The following TMED8 variants were observed in gnomAD, a reference collection of about 807,000 sequenced individuals.
TMED8 encodes the protein transmembrane p24 trafficking protein family member 8.
In TMED8, 15 loss-of-function variants were observed where a neutral mutation model predicts 32.7. The observed-to-expected ratio is 0.46, with a 90% CI of 0.31 to 0.71. The LOEUF (loss-of-function observed/expected upper bound fraction) is 0.71, where lower values mean the gene tolerates loss of function less well. TMED8 is among the 30% of genes least tolerant of loss of function. TMED8 has a pLI of 0.06. For missense variants in TMED8, 390 were observed against 423.9 expected, an observed-to-expected ratio of 0.92 and a Z score of 0.70; for synonymous variants, 147 against 161.4, an observed-to-expected ratio of 0.91 and a Z score of 0.68.
chr14:77,366,994 C>T (rs916400326), intron 1 of TMED8, among the ~76,000 whole-genome samples: 1 of 152,046 alleles, frequency 6.6e-6, no homozygotes, highest in African/African-American at 2.4e-5. Context: ...CCTGTAACTC[C>T]AGCACTTTGG....
Position 77,344,715 on chromosome 14 carries a change from C to A in TMED8, c.328-892G>T, listed in dbSNP as rs72681263. On this transcript the variant is annotated intron_variant, in intron 3 of 5. Coordinates refer to ENST00000216468, the MANE Select transcript of TMED8 (RefSeq NM_213601.3). ...AGGGGAGAGCACATCAGTGAGTCAG[C>A]AATCCAGTTAAGAGGCTGGAATTGT... Among the ~76,000 whole-genome samples the A allele has an allele frequency of 1.7e-4, 26 of 152,212 alleles. 1 individual carries two copies. The highest frequency in any genetic ancestry group is 2.6e-4 in the Admixed American group (4 of 15,288).
Position 77,351,690 on chromosome 14 carries a change from G to C in TMED8, c.180C>G (p.Pro60=), listed in dbSNP as rs1195645799. ...GTGGTTACCTGTGGGGTGAGGAGCA[G>C]GGTTCTGGATCGGTGGCAGAAGCCA... is the stretch of plus-strand genomic sequence containing the variant. The part of the protein sequence containing the change: ...SLLASATDPE[P]CSSPHRPQMV... The change falls in exon 2 of 6, where the codon CCC becomes CCG. Residue 60 remains proline (P), a synonymous_variant. Transcript: ENST00000216468. 1.2e-6 allele frequency: 2 copies of C among 1,613,420 alleles called. No individual in the cohort carries two copies. The highest frequency in any genetic ancestry group is 1.1e-5 in the South Asian group (1 of 90,942).
At position 77,336,131 on chromosome 14, in the gene TMED8, C is replaced by T. The variant is rs949347351; in HGVS notation, c.*5640G>A. 85 of 152,140 alleles carry T rather than the reference C, an allele frequency of 5.6e-4. No homozygotes were observed. Among genetic ancestry groups the T allele is most frequent in the African/African-American group, 2.0e-3 (83 of 41,432 alleles). 9.4% of individuals were successfully genotyped at this position (152,140 alleles called of 1,614,324 possible). A position where few individuals can be genotyped will look rare whatever the true frequency, so the allele number is the denominator to read the frequency against. On this transcript the variant is annotated 3_prime_UTR_variant, in exon 6 of 6. Coordinates refer to ENST00000216468, the MANE Select transcript of TMED8 (RefSeq NM_213601.3). ...CCAAAACTTCAGAAGGGTTCATGAT[C>T]CTATTTCAGGACTTTAGAAAATATA...
At chr14:77,357,083 G>T (rs1043032114) in intron 1 of TMED8, among the ~76,000 whole-genome samples, 1 of 152,118 alleles carries the variant, frequency 6.6e-6, no homozygotes, top group African/African-American at 2.4e-5. Flanking sequence ...GTACTCAATA[G>T]CCATGAGTTG....
At chr14:77,342,024 C>T (rs1566683208) in intron 5 of TMED8, 36 bp from the exon 6 acceptor site, 3 of 1,595,582 alleles carry the variant, frequency 1.9e-6, no homozygotes, top group African/African-American at 2.7e-5. Context: ...TCAGAGACTG[C>T]GTAAGTCCTG....
At chr14:77,371,379 G>A (rs1309483995) in intron 1 of TMED8, among the ~76,000 whole-genome samples, 1 of 152,140 alleles carries the variant, frequency 6.6e-6, no homozygotes, top group African/African-American at 2.4e-5. Flanking sequence ...TATGATTTAG[G>A]TTGAGCATTT....
intron 1 of TMED8, among the ~76,000 whole-genome samples, chr14:77,361,164 T>C (rs1328039300): frequency 3.3e-5 from 5 of 152,040 alleles, no homozygotes; most frequent in African/African-American, 4.8e-5. Flanking sequence ...GTATTTTCAG[T>C]AGAGACAGGG....
intron 1 of TMED8, among the ~76,000 whole-genome samples, chr14:77,374,383 T>C (rs773005005): frequency 6.6e-6 from 1 of 152,250 alleles, no homozygotes; most frequent in Non-Finnish European, 1.5e-5. Context: ...CACTGACATC[T>C]GGAGCCAGAT....
At chr14:77,362,163 C>T (rs1893454377) in intron 1 of TMED8, among the ~76,000 whole-genome samples, 1 of 151,764 alleles carries the variant, frequency 6.6e-6, no homozygotes, top group Admixed American at 6.6e-5. Context: ...TGCAAATGGA[C>T]ATAACTTCTA....
At chr14:77,368,469 T>TATTC (rs1368152906) in intron 1 of TMED8, among the ~76,000 whole-genome samples, 1 of 146,466 alleles carries the variant, frequency 6.8e-6, no homozygotes, top group Non-Finnish European at 1.5e-5. Flanking sequence ...TCCTTTTTAT[T>TATTC]ATTTATTTAT....
Position 77,338,266 on chromosome 14 carries a change from CTACAAAGCTGTCTCTTGTGGG to C in TMED8, c.*3484_*3504del, listed in dbSNP as rs1892813314. On this transcript the variant is annotated 3_prime_UTR_variant, in exon 6 of 6. Transcript: ENST00000216468. ...TTATTTGACGTATTTTGAAATGGCC[CTACAAAGCTGTCTCTTGTGGG>C]GGAAACTGCATTCTGTAGAGAATCT... 1 of 152,186 alleles carries C rather than the reference CTACAAAGCTGTCTCTTGTGGG, an allele frequency of 6.6e-6. No homozygotes were observed. The highest frequency in any genetic ancestry group is 2.1e-4 in the South Asian group (1 of 4,836). The allele number at this position is 152,186 out of a possible 1,614,324, so 9.4% of individuals were successfully genotyped here.
chr14:77,367,255 A>AC (rs1683311362), intron 1 of TMED8, among the ~76,000 whole-genome samples: 1 of 149,956 alleles, frequency 6.7e-6, no homozygotes, highest in Non-Finnish European at 1.5e-5. Flanking sequence ...AAAAAAAAAA[A>AC]AAAAAAAAAA....
intron 5 of TMED8, among the ~76,000 whole-genome samples, chr14:77,342,904 CA>C (rs1276436563): frequency 2.0e-5 from 3 of 152,208 alleles, no homozygotes; most frequent in Non-Finnish European, 4.4e-5. Context: ...CCGCATGACT[CA>C]CCCTCTCTCT....
At position 77,343,389 on chromosome 14, in the gene TMED8, C is replaced by T. The variant is rs1207595353; in HGVS notation, c.549G>A (p.Leu183=). ...SKLGKEKNSR[L]VVKRGEVVTI... Reference sequence around the variant, plus strand: ...TCACCACCTCACCACGCTTCACCACCAGACGGCTGTTCTTCTCTTTGCCCA... The same window carrying T: ...TCACCACCTCACCACGCTTCACCACTAGACGGCTGTTCTTCTCTTTGCCCA... The change falls in exon 5 of 6, where the codon CTG becomes CTA. Residue 183 remains leucine, a synonymous_variant. Transcript: ENST00000216468. The T allele has an allele frequency of 6.2e-6, 10 of 1,614,126 alleles. No homozygotes were observed. Among genetic ancestry groups the T allele is most frequent in the Admixed American group, 3.3e-5 (2 of 60,010 alleles).
In TMED8 at chr14:77,376,407, G is replaced by A. The variant is rs1211638984; in HGVS notation, c.118+529C>T. Among the ~76,000 whole-genome samples the A allele has an allele frequency of 1.3e-5, 2 of 152,252 alleles. No individual in the cohort carries two copies. Among genetic ancestry groups the A allele is most frequent in the Non-Finnish European group, 2.9e-5 (2 of 68,042 alleles). ...GATGGAGAGGATGGCAGCAAGGCCA[G>A]GGGGCCTATGTGCAGGAAGGCTAGG... On this transcript the variant is annotated intron_variant, in intron 1 of 5. Transcript: ENST00000216468. The surrounding 1 kb of genome is among the most constrained non-coding windows in gnomAD (Gnocchi z 4.0).
chr14:77,372,940 ATATATATATATATTTTTTTTTTTTTTT>A (rs1405777905), intron 1 of TMED8, among the ~76,000 whole-genome samples: 3 of 26,448 alleles, frequency 1.1e-4, no homozygotes, highest in Admixed American at 4.3e-4. Context: ...ATATATATAT[ATATATATATATATTTTTTTTTTTTTTT>A]TTTTTTTTTT....
In TMED8 at chr14:77,377,069, G is replaced by A. The variant is rs1397207941; in HGVS notation, c.-16C>T. 3 of 1,334,526 alleles carry A rather than the reference G, an allele frequency of 2.2e-6. No homozygotes were observed. The highest frequency in any genetic ancestry group is 2.9e-6 in the Non-Finnish European group (3 of 1,040,856). 82.7% of individuals were successfully genotyped at this position (1,334,526 alleles called of 1,614,324 possible). A position where few individuals can be genotyped will look rare whatever the true frequency, so the allele number is the denominator to read the frequency against. ...GGTCAGACATCTGCAGCCCGCGCAC[G>A]GAGCTCTCCGCTGCCAGCCGCGAGT... On this transcript the variant is annotated 5_prime_UTR_variant, in exon 1 of 6. Coordinates refer to ENST00000216468, the MANE Select transcript of TMED8 (RefSeq NM_213601.3).
chr14:77,351,968 T>C (rs1027943571), intron 1 of TMED8, among the ~76,000 whole-genome samples: 1 of 152,180 alleles, frequency 6.6e-6, no homozygotes, highest in Non-Finnish European at 1.5e-5. Context: ...AAATAAATCA[T>C]TTCTAAAACA....
intron 1 of TMED8, among the ~76,000 whole-genome samples, chr14:77,358,589 G>A (rs904070735): frequency 3.9e-5 from 6 of 152,116 alleles, no homozygotes; most frequent in African/African-American, 1.2e-4. Flanking sequence ...GAGCCACCAC[G>A]CCTAGCCCAG....
Sources: gnomAD v4.1 joint callset for allele counts (sites outside exome capture counted in the v4.1 genomes callset) on GRCh38, gnomAD v4.1.1 for gene constraint, Gnocchi (gnomAD v3.1) non-coding constraint, MANE v1.5 for transcripts, NCBI Gene and HGNC (gene_info 2026-07-23, HGNC 2026-07-21) for gene names.